The following SLC2A13 variants were observed in gnomAD, a reference collection of about 807,000 sequenced individuals.
The protein encoded by SLC2A13 is proton myo-inositol cotransporter.
Under a neutral mutation model 64.4 loss-of-function variants are expected in SLC2A13, and 32 were observed. The ratio of observed to expected loss-of-function variants is 0.50; its 90% CI spans 0.37 to 0.67. The LOEUF (loss-of-function observed/expected upper bound fraction) is 0.67, where lower values mean the gene tolerates loss of function less well. Among genes scored for constraint, SLC2A13 ranks in the 30% least tolerant of loss-of-function variants. The pLI is 0.00. For synonymous variants in SLC2A13, 338 were observed against 327.1 expected (o/e 1.03, Z -0.36); for missense variants, 743 against 829.2 (o/e 0.90, Z 1.28).
At chr12:39,874,969 T>C (rs904452450) in intron 4 of SLC2A13, among the ~76,000 whole-genome samples, 5 of 152,196 alleles carry the variant, frequency 3.3e-5, no homozygotes, top group African/African-American at 1.2e-4. Context: ...GCCTTGTATC[T>C]CCCTCTGAGC....
chr12:39,910,601 T>C (rs987581282), intron 4 of SLC2A13, among the ~76,000 whole-genome samples: 5 of 152,064 alleles, frequency 3.3e-5, no homozygotes, highest in Admixed American at 1.3e-4. Flanking sequence ...TCAACAGCCT[T>C]GGGAACCCAC....
At chr12:40,046,491 C>A (rs952398318) in intron 2 of SLC2A13, among the ~76,000 whole-genome samples, 7 of 152,070 alleles carry the variant, frequency 4.6e-5, no homozygotes, top group Non-Finnish European at 1.0e-4. Context: ...AAATTTTTAA[C>A]AAAATATAAA....
rs1946230282 is a variant in SLC2A13 at position 39,951,517 on chromosome 12, G to T, written c.926-152C>A. 5 of 553,464 alleles carry T rather than the reference G, an allele frequency of 9.0e-6. No individual in the cohort carries two copies. In the South Asian group the frequency reaches 1.2e-4, roughly 13 times the overall value. 34.3% of individuals were successfully genotyped at this position (553,464 alleles called of 1,614,324 possible). On this transcript the variant is annotated intron_variant, in intron 3 of 9. Transcript: ENST00000280871. ...ACAACTCTATTTTTACAGAAATCTGGGTACAATATTTTATTTTGCAAACAG... is the reference window on the plus strand; with the variant it reads ...ACAACTCTATTTTTACAGAAATCTGTGTACAATATTTTATTTTGCAAACAG...
intron 7 of SLC2A13, among the ~76,000 whole-genome samples, chr12:39,792,896 C>T (rs1185299736): frequency 2.0e-5 from 3 of 151,864 alleles, no homozygotes; most frequent in African/African-American, 7.3e-5. Context: ...CAATGTGGGG[C>T]TTCTCTTTCT....
chr12:40,101,891 CA>C (rs1313352897), intron 1 of SLC2A13, among the ~76,000 whole-genome samples: 1 of 151,872 alleles, frequency 6.6e-6, no homozygotes, highest in African/African-American at 2.4e-5. Flanking sequence ...CCACACCCAA[CA>C]AAAGGAGACC....
At chr12:39,860,061 T>C (rs1320361135) in intron 6 of SLC2A13, among the ~76,000 whole-genome samples, 1 of 152,150 alleles carries the variant, frequency 6.6e-6, no homozygotes, top group Admixed American at 6.5e-5. Context: ...AAAGAAGCTG[T>C]TGTGTCGTTG....
chr12:40,067,124 C>A (rs1468925041), intron 1 of SLC2A13, among the ~76,000 whole-genome samples: 1 of 152,034 alleles, frequency 6.6e-6, no homozygotes, highest in African/African-American at 2.4e-5. Context: ...GAGGGTGATA[C>A]CAAGAGGCTT....
At chr12:39,993,524 C>A (rs1230096303) in intron 3 of SLC2A13, among the ~76,000 whole-genome samples, 2 of 152,224 alleles carry the variant, frequency 1.3e-5, no homozygotes, top group Non-Finnish European at 2.9e-5. Context: ...GTAAAAACTG[C>A]AGAACAATGA....
intron 3 of SLC2A13, among the ~76,000 whole-genome samples, chr12:39,953,130 T>C (rs528902419): frequency 6.6e-5 from 10 of 152,196 alleles, no homozygotes; most frequent in Non-Finnish European, 1.5e-4. Flanking sequence ...TGTATCATGA[T>C]TTGATGGTCA....
At chr12:39,913,184 T>C (rs1403354171) in intron 4 of SLC2A13, among the ~76,000 whole-genome samples, 2 of 151,952 alleles carry the variant, frequency 1.3e-5, no homozygotes, top group South Asian at 2.1e-4. Context: ...AAAGAGATCA[T>C]AGTAGAGGAG....
intron 3 of SLC2A13, among the ~76,000 whole-genome samples, chr12:40,001,958 G>A (rs568483): frequency 0.64 from 97,277 of 152,058 alleles, 31,485 homozygotes; most frequent in African/African-American, 0.72. Flanking sequence ...TAATAATACA[G>A]AGCAAAATTT....
intron 3 of SLC2A13, 142 bp downstream of exon 3, chr12:40,028,158 TA>T: frequency 2.5e-6 from 1 of 404,674 alleles, no homozygotes; most frequent in African/African-American, 2.1e-5. Flanking sequence ...TATATATGGA[TA>T]TTTTTGTATA....
intron 6 of SLC2A13, among the ~76,000 whole-genome samples, chr12:39,839,414 G>C (rs534108727): frequency 6.6e-6 from 1 of 152,124 alleles, no homozygotes. Flanking sequence ...AAGTTTAAAA[G>C]GCTAGGGGCC....
At chr12:39,975,803 G>A (rs564063173) in intron 3 of SLC2A13, among the ~76,000 whole-genome samples, 1 of 152,142 alleles carries the variant, frequency 6.6e-6, no homozygotes, top group Non-Finnish European at 1.5e-5. Context: ...ATCACAAATG[G>A]ATGGAGCAAC....
rs368849811 is a variant in SLC2A13 at position 39,923,696 on chromosome 12, G to GCACACA, written c.1034+27555_1034+27560dup. The stretch of plus-strand genomic sequence containing the variant: ...TATATATATATATATATGCGCACGC[G>GCACACA]CACACACACACACACACACACACAC... On this transcript the variant is annotated intron_variant, in intron 4 of 9. Transcript: ENST00000280871. 4.6e-4 allele frequency among the ~76,000 whole-genome samples: 68 copies of GCACACA among 146,990 alleles called. No individual in the cohort carries two copies. The Middle Eastern group carries it at 0.01, about 22-fold the overall frequency.
chr12:39,873,563 T>C (rs1944110947), intron 4 of SLC2A13, among the ~76,000 whole-genome samples: 1 of 152,236 alleles, frequency 6.6e-6, no homozygotes, highest in Non-Finnish European at 1.5e-5. Context: ...GTCATGCTAC[T>C]AAGTTTCAGA....
chr12:39,857,717 T>C (rs1250395089), intron 6 of SLC2A13, among the ~76,000 whole-genome samples: 1 of 152,152 alleles, frequency 6.6e-6, no homozygotes, highest in African/African-American at 2.4e-5. Context: ...GTGTATAAGG[T>C]CCTGAGATGT....
chr12:39,806,087 A>G (rs987629056), intron 7 of SLC2A13, among the ~76,000 whole-genome samples: 4 of 152,238 alleles, frequency 2.6e-5, no homozygotes, highest in African/African-American at 7.2e-5. Flanking sequence ...GATTATTTAA[A>G]ATCACAAAAT....
Position 39,759,708 on chromosome 12 carries a change from T to C in SLC2A13, c.*318A>G, listed in dbSNP as rs575559392. 6 of 245,092 alleles carry C rather than the reference T, an allele frequency of 2.4e-5. No homozygotes were observed. The highest frequency in any genetic ancestry group is 4.7e-5 in the Non-Finnish European group (6 of 127,442). 15.2% of individuals were successfully genotyped at this position (245,092 alleles called of 1,614,324 possible). On this transcript the variant is annotated 3_prime_UTR_variant, in exon 10 of 10. Coordinates refer to ENST00000280871, the MANE Select transcript of SLC2A13 (RefSeq NM_052885.4). ...CTCTGTTGCCACTAATAATTATAAA[T>C]GGTCTTAGGAAAAAAGGATACCACT... is the stretch of plus-strand genomic sequence containing the variant.
Sources: gnomAD v4.1 joint callset for allele counts (sites outside exome capture counted in the v4.1 genomes callset) on GRCh38, gnomAD v4.1.1 for gene constraint, MANE v1.5 for transcripts, NCBI Gene and HGNC (gene_info 2026-07-23, HGNC 2026-07-21) for gene names.